ARHGEF28: variants seen among roughly 807,000 people sequenced by gnomAD.
ARHGEF28 encodes 190 kDa guanine nucleotide exchange factor.
Under a neutral mutation model 206.6 loss-of-function variants are expected in ARHGEF28, and 152 were observed. The observed-to-expected ratio is 0.74, with a 90% CI of 0.64 to 0.84. The LOEUF (loss-of-function observed/expected upper bound fraction) is 0.84. ARHGEF28 is among the 40% of genes least tolerant of loss of function. The pLI is 0.00. For synonymous variants in ARHGEF28, 763 were observed against 776.4 expected (o/e 0.98, Z 0.29); for missense variants, 2,028 against 2,073.2 (o/e 0.98, Z 0.42).
chr5:73,634,074 C>T (rs1024063928), intron 1 of ARHGEF28, among the ~76,000 whole-genome samples: 20 of 151,796 alleles, frequency 1.3e-4, no homozygotes, highest in Admixed American at 6.6e-5. Flanking sequence ...TTTTCCTAGT[C>T]TTTTAGAGTG....
intron 35 of ARHGEF28, among the ~76,000 whole-genome samples, chr5:73,938,468 A>G (rs910039177): frequency 1.3e-5 from 2 of 152,082 alleles, no homozygotes; most frequent in South Asian, 2.1e-4. Flanking sequence ...TGTGTCAGCA[A>G]TGACCTCCCA....
intron 2 of ARHGEF28, among the ~76,000 whole-genome samples, chr5:73,746,653 A>G (rs1003106032): frequency 7.9e-5 from 12 of 152,086 alleles, no homozygotes; most frequent in Non-Finnish European, 1.8e-4. Context: ...AAATTTAATC[A>G]TTTGGTAGAA....
chr5:73,857,540 AATACAT>A (rs1435324575), intron 14 of ARHGEF28, 110 bp from the exon 15 acceptor site: 14 of 1,134,124 alleles, frequency 1.2e-5, no homozygotes, highest in Non-Finnish European at 1.7e-5. Flanking sequence ...AACCTGAAAA[AATACAT>A]ACACATACAT....
intron 1 of ARHGEF28, among the ~76,000 whole-genome samples, chr5:73,653,201 C>T (rs906492361): frequency 5.3e-5 from 8 of 152,198 alleles, no homozygotes; most frequent in African/African-American, 1.9e-4. Flanking sequence ...TCTTCCCACA[C>T]CTGACACTTG....
intron 2 of ARHGEF28, among the ~76,000 whole-genome samples, chr5:73,686,963 T>TAAAA (rs1439977826): frequency 6.6e-6 from 1 of 152,200 alleles, no homozygotes; most frequent in African/African-American, 2.4e-5. Flanking sequence ...TTATCATTTT[T>TAAAA]AAGGTGTAAT....
Position 73,659,006 on chromosome 5 carries a change from C to CA in ARHGEF28, c.-11-25835_-11-25834insA, listed in dbSNP as rs1554051341. Among the ~76,000 whole-genome samples the CA allele has an allele frequency of 2.1e-5, 3 of 144,288 alleles. No individual in the cohort carries two copies. The East Asian group carries it at 6.0e-4, about 29-fold the overall frequency. 94.7% of individuals were successfully genotyped at this position (144,288 alleles called of 152,430 possible). A position where few individuals can be genotyped will look rare whatever the true frequency, so the allele number is the denominator to read the frequency against. ...ACACACACACACACACACACACACA[C>CA]CACACTCACAGGCAGGGGACTGTAT... On this transcript the variant is annotated intron_variant, in intron 1 of 35. Transcript: ENST00000513042.
At chr5:73,691,557 CA>C (rs1337050637) in intron 2 of ARHGEF28, among the ~76,000 whole-genome samples, 1 of 152,120 alleles carries the variant, frequency 6.6e-6, no homozygotes, top group Non-Finnish European at 1.5e-5. Flanking sequence ...TGGGGCCCAG[CA>C]ATCTGTGTTT....
intron 1 of ARHGEF28, among the ~76,000 whole-genome samples, chr5:73,660,050 C>A (rs1745490994): frequency 6.6e-6 from 1 of 152,150 alleles, no homozygotes; most frequent in Non-Finnish European, 1.5e-5. Flanking sequence ...AAAGATTTCT[C>A]TGTAGCATGT....
chr5:73,921,182 T>G (rs1763504050), intron 35 of ARHGEF28, among the ~76,000 whole-genome samples: 1 of 152,218 alleles, frequency 6.6e-6, no homozygotes, highest in Non-Finnish European at 1.5e-5. Flanking sequence ...AGCCTTAAAA[T>G]GTTGCCTGAA....
At chr5:73,863,846 T>A (rs1224213759) in intron 16 of ARHGEF28, among the ~76,000 whole-genome samples, 1 of 152,066 alleles carries the variant, frequency 6.6e-6, no homozygotes, top group African/African-American at 2.4e-5. Context: ...AATGCATAGA[T>A]TAGCCTTGGG....
At chr5:73,640,193 T>C (rs1426649058) in intron 1 of ARHGEF28, among the ~76,000 whole-genome samples, 1 of 152,208 alleles carries the variant, frequency 6.6e-6, no homozygotes, top group Non-Finnish European at 1.5e-5. Context: ...TCTTCTCTGC[T>C]TTTCTCTTGA....
intron 33 of ARHGEF28, chr5:73,909,099 T>G (rs567082735): frequency 8.9e-5 from 21 of 236,626 alleles, no homozygotes; most frequent in Admixed American, 6.5e-4. Flanking sequence ...CGAGTTCGTA[T>G]TCAGAAGACT....
At chr5:73,885,103 G>A (rs933745102) in intron 24 of ARHGEF28, among the ~76,000 whole-genome samples, 3 of 152,174 alleles carry the variant, frequency 2.0e-5, no homozygotes, top group African/African-American at 7.2e-5. Context: ...ATATAATTTT[G>A]AATGTTAATT....
intron 12 of ARHGEF28, among the ~76,000 whole-genome samples, chr5:73,847,730 C>A (rs1433545706): frequency 6.6e-6 from 1 of 152,086 alleles, no homozygotes; most frequent in Admixed American, 6.5e-5. Flanking sequence ...TAACTTTTTG[C>A]CAAAGTTTTG....
intron 4 of ARHGEF28, among the ~76,000 whole-genome samples, chr5:73,773,276 G>A (rs1199253454): frequency 1.3e-5 from 2 of 152,164 alleles, no homozygotes; most frequent in Admixed American, 6.6e-5. Flanking sequence ...GCAGAGCAAC[G>A]GGGTGGCTTT....
intron 2 of ARHGEF28, among the ~76,000 whole-genome samples, chr5:73,699,758 A>C (rs1159505539): frequency 1.3e-5 from 2 of 152,234 alleles, no homozygotes; most frequent in East Asian, 3.8e-4. Flanking sequence ...AGCTTCTTGT[A>C]TCCTTTTGAG....
At chr5:73,758,179 G>A (rs1239151360) in intron 4 of ARHGEF28, among the ~76,000 whole-genome samples, 3 of 152,122 alleles carry the variant, frequency 2.0e-5, no homozygotes, top group Non-Finnish European at 4.4e-5. Flanking sequence ...AAGACAGATG[G>A]CATCGTTCCT....
chr5:73,658,788 A>T (rs1228352121), intron 1 of ARHGEF28, among the ~76,000 whole-genome samples: 1 of 152,216 alleles, frequency 6.6e-6, no homozygotes, highest in Non-Finnish European at 1.5e-5. Context: ...CTAGCAATAA[A>T]TCACTGATTA....
At chr5:73,840,927 A>T (rs1269024889) in intron 11 of ARHGEF28, among the ~76,000 whole-genome samples, 167 bp downstream of exon 11, 1 of 152,218 alleles carries the variant, frequency 6.6e-6, no homozygotes, top group Non-Finnish European at 1.5e-5. Flanking sequence ...TAAGACACTT[A>T]AGAAAACTGA....
Sources: gnomAD v4.1 joint callset for allele counts (sites outside exome capture counted in the v4.1 genomes callset) on GRCh38, gnomAD v4.1.1 for gene constraint, MANE v1.5 for transcripts, NCBI Gene and HGNC (gene_info 2026-07-23, HGNC 2026-07-21) for gene names.